CSMD1: variants seen among roughly 807,000 people sequenced by gnomAD.
CSMD1 encodes CUB and sushi domain-containing protein 1.
In CSMD1, 213 loss-of-function variants were observed where a neutral mutation model predicts 417.5. The observed-to-expected ratio is 0.51, with a 90% confidence interval of 0.46 to 0.57. The LOEUF (loss-of-function observed/expected upper bound fraction) is 0.57, where lower values mean the gene tolerates loss of function less well. Among genes scored for constraint, CSMD1 ranks in the 20% least tolerant of loss-of-function variants. CSMD1 has a pLI of 0.00. For missense variants in CSMD1, 6,923 were observed against 4,529.7 expected (o/e 1.53, Z -15.17); for synonymous variants, 2,862 against 1,736.8 (o/e 1.65, Z -16.11).
intron 21 of CSMD1, among the ~76,000 whole-genome samples, chr8:3,352,843 AAAAC>A (rs533204795): frequency 1.9e-3 from 285 of 152,320 alleles, no homozygotes; most frequent in African/African-American, 6.5e-3. Flanking sequence ...TCTGTCTCAA[AAAAC>A]AAACAAACAA....
chr8:4,385,763 T>A (rs1803406594), intron 3 of CSMD1, among the ~76,000 whole-genome samples: 2 of 152,182 alleles, frequency 1.3e-5, no homozygotes, highest in African/African-American at 4.8e-5. Context: ...GGAATTCATG[T>A]CGATTGTAAT....
At position 3,096,887 on chromosome 8, in the gene CSMD1, T is replaced by C; in HGVS notation, c.7100A>G (p.Gln2367Arg). 1 of 1,557,392 alleles carries C rather than the reference T, an allele frequency of 6.4e-7. No individual in the cohort carries two copies. The highest frequency in any genetic ancestry group is 8.7e-7 in the Non-Finnish European group (1 of 1,149,356). Residue 2367 changes from glutamine (Q) to arginine (R), a missense_variant, in exon 47 of 70, where the codon CAA becomes CGA. Gln to Arg is a conservative substitution (Grantham distance 43). Coordinates refer to ENST00000635120, the MANE Select transcript of CSMD1 (RefSeq NM_033225.6). ...YNITIFVDTF[Q>R]SEKQFDALEV... ...CAGTGCATCAAACTGCTTTTCACTT[T>C]GAAATGTGTCCACAAAGATGGTAAT...
rs1191708756 is a variant in CSMD1, at chr8:2,957,800, C to T, written c.9710G>A (p.Ser3237Asn). 4 of 1,579,464 alleles carry T rather than the reference C, an allele frequency of 2.5e-6. No homozygotes were observed. The highest frequency in any genetic ancestry group is 3.4e-6 in the Non-Finnish European group (4 of 1,160,492). ...TTTTCTGCACCTGAAAAAAACCGTGCTTCCAACCTAGAGAGGAAATCCAAT... is the reference window on the plus strand; with the variant it reads ...TTTTCTGCACCTGAAAAAAACCGTGTTTCCAACCTAGAGAGGAAATCCAAT... ...QNSSRGYEVG[S>N]TVFFRCRKGY... Residue 3237 changes from serine to asparagine, a missense_variant, in exon 63 of 70, where the codon AGC becomes AAC. Coordinates refer to ENST00000635120, the MANE Select transcript of CSMD1 (RefSeq NM_033225.6).
At chr8:4,447,138 A>G (rs528719483) in intron 2 of CSMD1, among the ~76,000 whole-genome samples, 496 of 152,316 alleles carry the variant, frequency 3.3e-3, no homozygotes, top group Non-Finnish European at 4.4e-3. Context: ...ATAGAATGTT[A>G]AAGACAAACA....
intron 49 of CSMD1, among the ~76,000 whole-genome samples, chr8:3,067,101 C>G (rs1812984393): frequency 6.6e-6 from 1 of 151,904 alleles, no homozygotes; most frequent in South Asian, 2.1e-4. Context: ...AACAAGAGGT[C>G]AATACAATCA....
intron 7 of CSMD1, among the ~76,000 whole-genome samples, chr8:3,652,975 T>C (rs992556425): frequency 6.6e-6 from 1 of 152,178 alleles, no homozygotes; most frequent in East Asian, 1.9e-4. Context: ...CTTTCAAGTA[T>C]AATTAGCATT....
intron 6 of CSMD1, among the ~76,000 whole-genome samples, chr8:3,729,072 T>G (rs111990275): frequency 0.011 from 1,744 of 152,334 alleles, 33 homozygotes; most frequent in East Asian, 0.064. Context: ...ATTCTCCACG[T>G]GATCTGAACA....
intron 1 of CSMD1, among the ~76,000 whole-genome samples, chr8:4,907,918 T>C (rs1410264826): frequency 6.6e-6 from 1 of 152,182 alleles, no homozygotes; most frequent in African/African-American, 2.4e-5. Flanking sequence ...TGTTTCTTTT[T>C]GTGAGTTAAA....
chr8:3,285,095 A>G (rs1404657729), intron 25 of CSMD1, among the ~76,000 whole-genome samples: 1 of 152,178 alleles, frequency 6.6e-6, no homozygotes, highest in African/African-American at 2.4e-5. Context: ...ACCAACAAAA[A>G]TTAGCAGCCC....
At chr8:2,964,769 A>G (rs1332188722) in intron 59 of CSMD1, among the ~76,000 whole-genome samples, 1 of 152,206 alleles carries the variant, frequency 6.6e-6, no homozygotes, top group Non-Finnish European at 1.5e-5. Context: ...CTTTGACTCT[A>G]CTGGGAGACG....
chr8:3,397,993 C>T (rs1280645635), intron 16 of CSMD1, among the ~76,000 whole-genome samples: 8 of 152,156 alleles, frequency 5.3e-5, no homozygotes, highest in Non-Finnish European at 8.8e-5. Flanking sequence ...TCACACATGT[C>T]TAAAAATATC....
chr8:4,162,972 A>C (rs1003368016), intron 3 of CSMD1, among the ~76,000 whole-genome samples: 3 of 152,138 alleles, frequency 2.0e-5, no homozygotes, highest in Non-Finnish European at 2.9e-5. Context: ...AATGCCCTAG[A>C]GTAGGAATCA....
intron 2 of CSMD1, among the ~76,000 whole-genome samples, chr8:4,544,053 T>C (rs559889016): frequency 2.0e-5 from 3 of 152,332 alleles, no homozygotes; most frequent in African/African-American, 7.2e-5. Flanking sequence ...GTTTTTGCAA[T>C]TACTTTTCCC....
At chr8:3,677,087 G>C (rs971680277) in intron 7 of CSMD1, among the ~76,000 whole-genome samples, 6 of 152,094 alleles carry the variant, frequency 3.9e-5, no homozygotes, top group South Asian at 2.1e-4. Flanking sequence ...GGGTAGATAG[G>C]TGCAACAAAA....
chr8:3,879,897 T>G (rs892520102), intron 5 of CSMD1, among the ~76,000 whole-genome samples: 58 of 152,224 alleles, frequency 3.8e-4, no homozygotes, highest in African/African-American at 1.4e-3. Context: ...TATTCACGTT[T>G]TTATCCCCTA....
chr8:4,527,797 G>A (rs1195878086), intron 2 of CSMD1, among the ~76,000 whole-genome samples: 1 of 152,124 alleles, frequency 6.6e-6, no homozygotes, highest in South Asian at 2.1e-4. Flanking sequence ...ATGAATCCTG[G>A]AAAGTCTAAT....
chr8:4,191,096 G>C (rs1211138295), intron 3 of CSMD1, among the ~76,000 whole-genome samples: 2 of 146,392 alleles, frequency 1.4e-5, no homozygotes, highest in Admixed American at 6.7e-5. Context: ...TAAAATAAAA[G>C]TTGAAAAAAA....
intron 3 of CSMD1, among the ~76,000 whole-genome samples, chr8:4,110,794 ATATG>A (rs1014549761): frequency 5.5e-4 from 83 of 152,110 alleles, no homozygotes; most frequent in African/African-American, 2.0e-3. Flanking sequence ...ATTTTCAAGA[ATATG>A]TATGTTTTTA....
At chr8:4,470,347 G>C (rs1800453736) in intron 2 of CSMD1, among the ~76,000 whole-genome samples, 1 of 152,048 alleles carries the variant, frequency 6.6e-6, no homozygotes, top group Non-Finnish European at 1.5e-5. Context: ...TGACTACGAT[G>C]GTTCAACTCC....
Sources: allele counts gnomAD v4.1 joint callset (sites outside exome capture counted in the v4.1 genomes callset), GRCh38; gene constraint gnomAD v4.1.1; transcripts MANE v1.5; gene names NCBI Gene and HGNC (gene_info 2026-07-23, HGNC 2026-07-21).